Variants in ZHX2 observed in about 807,000 individuals in gnomAD.
The protein encoded by ZHX2 is zinc fingers and homeoboxes 2.
ZHX2 carries 6 observed loss-of-function variants against 21.9 expected under a neutral mutation model. That is an observed-to-expected ratio of 0.27 (90% CI 0.15 to 0.54). The LOEUF (loss-of-function observed/expected upper bound fraction) is 0.54. ZHX2 is among the 20% of genes least tolerant of loss of function. The pLI is 0.95. For synonymous variants in ZHX2, 434 were observed against 437.1 expected, an observed-to-expected ratio of 0.99 and a Z score of 0.09; for missense variants, 908 against 1,090.7, an observed-to-expected ratio of 0.83 and a Z score of 2.36.
intron 1 of ZHX2, among the ~76,000 whole-genome samples, chr8:122,825,157 A>G (rs1484467101): frequency 2.0e-5 from 3 of 152,184 alleles, no homozygotes; most frequent in African/African-American, 7.2e-5. Context: ...GAATGTGGAC[A>G]TCTTTTGAGG....
At chr8:122,876,256 A>G (rs1485755793) in intron 2 of ZHX2, among the ~76,000 whole-genome samples, 1 of 151,820 alleles carries the variant, frequency 6.6e-6, no homozygotes. Context: ...CTCCAAATTC[A>G]TTGTTGCCAG....
At chr8:122,879,053 C>G (rs1431074970) in intron 2 of ZHX2, among the ~76,000 whole-genome samples, 3 of 152,194 alleles carry the variant, frequency 2.0e-5, no homozygotes, top group Non-Finnish European at 2.9e-5. Flanking sequence ...TTCTCCTAAG[C>G]TGTTTCCCTG....
rs953478587 is a variant in ZHX2, at chr8:122,824,627, A to G, written c.-282-38850A>G. Reference sequence around the variant, plus strand: ...CGGAGAAAGAAACAGAGGGTCCAAGAGGATCACTGGTACCAATATAGGGCC... The same window carrying G: ...CGGAGAAAGAAACAGAGGGTCCAAGGGGATCACTGGTACCAATATAGGGCC... On this transcript the variant is annotated intron_variant, in intron 1 of 3. Transcript: ENST00000314393. Among the ~76,000 whole-genome samples, 8 of 152,368 alleles carry G rather than the reference A, an allele frequency of 5.3e-5. No homozygotes were observed. In the South Asian group the frequency reaches 6.2e-4, roughly 12 times the overall value.
intron 3 of ZHX2, among the ~76,000 whole-genome samples, chr8:122,963,454 T>A (rs1273401988): frequency 1.3e-5 from 2 of 152,010 alleles, no homozygotes; most frequent in Non-Finnish European, 2.9e-5. Context: ...TTATATATAT[T>A]TTCTCTATCC....
intron 1 of ZHX2, among the ~76,000 whole-genome samples, chr8:122,831,707 G>C (rs186774488): frequency 6.6e-6 from 1 of 152,122 alleles, no homozygotes; most frequent in Non-Finnish European, 1.5e-5. Flanking sequence ...AACTTTTTGC[G>C]GGAGCCTGGC....
At chr8:122,832,260 C>T (rs559873679) in intron 1 of ZHX2, among the ~76,000 whole-genome samples, 8 of 152,184 alleles carry the variant, frequency 5.3e-5, no homozygotes, top group South Asian at 2.1e-4. Flanking sequence ...TAGTACACTG[C>T]GGTGAGCTAG....
chr8:122,962,590 G>A lies in ZHX2; in HGVS notation c.*4+8562G>A, dbSNP rs144132251. Among the ~76,000 whole-genome samples, 1,198 of 152,324 alleles carry A rather than the reference G, an allele frequency of 7.9e-3. 10 individuals are homozygous for A. Among genetic ancestry groups the A allele is most frequent in the Middle Eastern group, 0.044 (13 of 294 alleles). Reference sequence around the variant, plus strand: ...GAATTTTGCTGCTATAAACATGCGTGTGCAAGTGTCTTCTTCATATAATGA... The same window carrying A: ...GAATTTTGCTGCTATAAACATGCGTATGCAAGTGTCTTCTTCATATAATGA... On this transcript the variant is annotated intron_variant, in intron 3 of 3. Transcript: ENST00000314393.
chr8:122,961,193 C>G (rs1813433447), intron 3 of ZHX2, among the ~76,000 whole-genome samples: 1 of 152,220 alleles, frequency 6.6e-6, no homozygotes, highest in South Asian at 2.1e-4. Flanking sequence ...CCAACACCCA[C>G]CTTCTCACTG....
rs1441811816 is a variant in ZHX2 at position 122,854,666 on chromosome 8, G to A, written c.-282-8811G>A. 2.0e-5 allele frequency among the ~76,000 whole-genome samples: 3 copies of A among 152,144 alleles called. No individual in the cohort carries two copies. In the East Asian group the frequency reaches 5.8e-4, roughly 29 times the overall value. ...AAGTCCCGAGGCACTGGCCACCTGA[G>A]TGAACTCACTGTCATTAAGCAGGCA... On this transcript the variant is annotated intron_variant, in intron 1 of 3. Coordinates refer to ENST00000314393, the MANE Select transcript of ZHX2 (RefSeq NM_014943.5).
chr8:122,966,250 A>G (rs187045497), intron 3 of ZHX2, among the ~76,000 whole-genome samples: 9 of 152,088 alleles, frequency 5.9e-5, no homozygotes, highest in South Asian at 2.1e-4. Context: ...CATAGGTCCA[A>G]TGAGATTTAT....
At chr8:122,899,845 T>C (rs899296401) in intron 2 of ZHX2, among the ~76,000 whole-genome samples, 8 of 152,198 alleles carry the variant, frequency 5.3e-5, no homozygotes, top group African/African-American at 1.9e-4. Flanking sequence ...AATAAAGTGG[T>C]GTTAGCTAAT....
chr8:122,961,727 A>G (rs960638169), intron 3 of ZHX2, among the ~76,000 whole-genome samples: 13 of 152,250 alleles, frequency 8.5e-5, no homozygotes, highest in Non-Finnish European at 1.0e-4. Flanking sequence ...AGCTTGGGGG[A>G]AACCACCCCC....
At chr8:122,879,864 A>T (rs548597812) in intron 2 of ZHX2, among the ~76,000 whole-genome samples, 15 of 152,028 alleles carry the variant, frequency 9.9e-5, no homozygotes, top group Non-Finnish European at 1.8e-4. Context: ...TGTTATGAGG[A>T]CTAAATTTAA....
chr8:122,908,406 C>T (rs1238026736), intron 2 of ZHX2, among the ~76,000 whole-genome samples: 1 of 152,022 alleles, frequency 6.6e-6, no homozygotes, highest in African/African-American at 2.4e-5. Context: ...GACGGGGTTT[C>T]ACCATGTTGG....
chr8:122,821,560 C>A (rs1341767762), intron 1 of ZHX2, among the ~76,000 whole-genome samples: 1 of 151,764 alleles, frequency 6.6e-6, no homozygotes, highest in East Asian at 1.9e-4. Context: ...AGCACTCATG[C>A]CTTTGTTATC....
intron 2 of ZHX2, among the ~76,000 whole-genome samples, chr8:122,876,014 C>T (rs536833833): frequency 3.7e-4 from 57 of 152,196 alleles, no homozygotes; most frequent in Non-Finnish European, 7.1e-4. Flanking sequence ...ATCCATCCAT[C>T]CCATTCATCC....
chr8:122,940,260 C>T (rs1812808746), intron 2 of ZHX2, among the ~76,000 whole-genome samples: 1 of 152,216 alleles, frequency 6.6e-6, no homozygotes, highest in Non-Finnish European at 1.5e-5. Context: ...TGATGGAGAA[C>T]AAGGCCCCTG....
intron 2 of ZHX2, among the ~76,000 whole-genome samples, chr8:122,941,182 G>A (rs547382937): frequency 2.0e-5 from 3 of 152,230 alleles, no homozygotes; most frequent in South Asian, 2.1e-4. Flanking sequence ...AGGAGTTGAG[G>A]TTGCAGTGAG....
chr8:122,951,427 C>A lies in ZHX2; in HGVS notation c.-84C>A. On this transcript the variant is annotated 5_prime_UTR_variant, in exon 3 of 4. Coordinates refer to ENST00000314393, the MANE Select transcript of ZHX2 (RefSeq NM_014943.5). ...ATTTGAGGGGGAATAAAGCCAAAAGCCTTTCACCTTATTCGTTCCAAGAAT... is the reference window on the plus strand; with the variant it reads ...ATTTGAGGGGGAATAAAGCCAAAAGACTTTCACCTTATTCGTTCCAAGAAT... 2 of 1,254,206 alleles carry A rather than the reference C, an allele frequency of 1.6e-6. No individual in the cohort carries two copies. Among genetic ancestry groups the A allele is most frequent in the South Asian group, 1.5e-5 (1 of 66,420 alleles). 77.7% of individuals were successfully genotyped at this position (1,254,206 alleles called of 1,614,324 possible).
Sources: gnomAD v4.1 joint callset for allele counts (sites outside exome capture counted in the v4.1 genomes callset) on GRCh38, gnomAD v4.1.1 for gene constraint, MANE v1.5 for transcripts, NCBI Gene and HGNC (gene_info 2026-07-23, HGNC 2026-07-21) for gene names.